The following ASTN2 variants were observed in gnomAD, a reference collection of about 807,000 sequenced individuals.
The protein encoded by ASTN2 is astrotactin 2.
A neutral mutation model predicts 139.8 loss-of-function variants in ASTN2; 54 were observed. The ratio of observed to expected loss-of-function variants is 0.39; its 90% CI spans 0.31 to 0.48. The LOEUF (loss-of-function observed/expected upper bound fraction) is 0.48, where lower values mean the gene tolerates loss of function less well. Among genes scored for constraint, ASTN2 ranks in the 20% least tolerant of loss-of-function variants. ASTN2 has a pLI of 0.95. For missense variants in ASTN2, 1,565 were observed against 1,725.1 expected (o/e 0.91, Z 1.64); for synonymous variants, 756 against 719.5 (o/e 1.05, Z -0.81).
At chr9:117,413,583 C>T (rs1489326737) in intron 1 of ASTN2, among the ~76,000 whole-genome samples, 3 of 152,218 alleles carry the variant, frequency 2.0e-5, no homozygotes, top group Non-Finnish European at 4.4e-5. Context: ...AAATCAGCTG[C>T]GCTTCCCACA....
At chr9:116,609,888 T>C (rs1855442446) in intron 19 of ASTN2, among the ~76,000 whole-genome samples, 1 of 152,098 alleles carries the variant, frequency 6.6e-6, no homozygotes, top group African/African-American at 2.4e-5. Flanking sequence ...TTATATCACT[T>C]GAAGGTAACT....
intron 1 of ASTN2, among the ~76,000 whole-genome samples, chr9:117,321,016 C>T (rs1450751153): frequency 6.6e-6 from 1 of 152,196 alleles, no homozygotes; most frequent in Non-Finnish European, 1.5e-5. Context: ...CCATCTCCTC[C>T]ACAACTCTGT....
At chr9:116,881,659 T>C (rs1013817203) in intron 10 of ASTN2, among the ~76,000 whole-genome samples, 2 of 152,216 alleles carry the variant, frequency 1.3e-5, no homozygotes, top group Non-Finnish European at 2.9e-5. Flanking sequence ...GCCACTGCCT[T>C]TGCATGGTTT....
chr9:116,815,406 T>C (rs1831283144), intron 12 of ASTN2, among the ~76,000 whole-genome samples: 1 of 152,152 alleles, frequency 6.6e-6, no homozygotes, highest in Non-Finnish European at 1.5e-5. Context: ...GGTTGGGATA[T>C]CTCAAGCTTC....
intron 13 of ASTN2, among the ~76,000 whole-genome samples, chr9:116,740,147 G>A (rs529794187): frequency 1.1e-4 from 17 of 152,344 alleles, no homozygotes; most frequent in Admixed American, 1.0e-3. Context: ...GTGCATATGT[G>A]CATTCAGGTA....
chr9:117,109,014 G>A (rs1319233170), intron 4 of ASTN2, among the ~76,000 whole-genome samples: 1 of 152,120 alleles, frequency 6.6e-6, no homozygotes, highest in African/African-American at 2.4e-5. Flanking sequence ...GCTGGGCATG[G>A]TGACTCACGG....
intron 19 of ASTN2, among the ~76,000 whole-genome samples, chr9:116,564,302 C>A (rs1853072189): frequency 6.6e-6 from 1 of 152,196 alleles, no homozygotes; most frequent in Non-Finnish European, 1.5e-5. Context: ...GTGCATGGAA[C>A]TGATTGCCTC....
intron 5 of ASTN2, among the ~76,000 whole-genome samples, chr9:117,044,490 A>G (rs1413692661): frequency 6.6e-6 from 1 of 152,198 alleles, no homozygotes; most frequent in Non-Finnish European, 1.5e-5. Flanking sequence ...ACTCAAATCA[A>G]GGTAACTTCC....
chr9:116,789,920 CTTTT>C (rs57433960), intron 13 of ASTN2, among the ~76,000 whole-genome samples: 17 of 93,330 alleles, frequency 1.8e-4, no homozygotes, highest in African/African-American at 5.0e-4. Context: ...TTCTCTTTCT[CTTTT>C]TTTTTTTTTT....
chr9:116,893,909 C>A (rs1423665619), intron 10 of ASTN2, among the ~76,000 whole-genome samples: 2 of 152,174 alleles, frequency 1.3e-5, no homozygotes, highest in African/African-American at 2.4e-5. Flanking sequence ...ACGTCTGCCC[C>A]CAGGCCCACG....
rs568291172 is a variant in ASTN2 at position 117,302,972 on chromosome 9, T to C, written c.443-11459A>G. On this transcript the variant is annotated intron_variant, in intron 1 of 22. Coordinates refer to ENST00000313400, the MANE Select transcript of ASTN2 (RefSeq NM_001365068.1). ...TAGCCTTTGTTCAGACCATGTCACC[T>C]GCCTGAAATGCCTTAATCTTTTCTT... is the stretch of plus-strand genomic sequence containing the variant. 1.7e-3 allele frequency among the ~76,000 whole-genome samples: 260 copies of C among 152,316 alleles called. 2 individuals are homozygous for C. The highest frequency in any genetic ancestry group is 1.8e-3 in the Non-Finnish European group (124 of 68,030).
At chr9:116,818,508 TG>T (rs1831399143) in intron 12 of ASTN2, among the ~76,000 whole-genome samples, 1 of 152,206 alleles carries the variant, frequency 6.6e-6, no homozygotes, top group Non-Finnish European at 1.5e-5. Flanking sequence ...TTGTTTTTTT[TG>T]TTTTTGTCCT....
intron 4 of ASTN2, among the ~76,000 whole-genome samples, chr9:117,107,154 A>G (rs996619556): frequency 2.0e-5 from 3 of 152,162 alleles, no homozygotes; most frequent in African/African-American, 7.2e-5. Flanking sequence ...ATGCCTGAAA[A>G]GTTCTACTAT....
In ASTN2 at chr9:116,616,866, A is replaced by G. The variant is rs558320204; in HGVS notation, c.3355+1458T>C. Among the ~76,000 whole-genome samples the G allele has an allele frequency of 2.0e-5, 3 of 152,310 alleles. No homozygotes were observed. In the East Asian group the frequency reaches 5.8e-4, roughly 29 times the overall value. ...TCTCACCCACATAAAAATAACGTAC[A>G]TACAGATAAATACAAACACACAGAC... On this transcript the variant is annotated intron_variant, in intron 19 of 22. Transcript: ENST00000313400.
intron 5 of ASTN2, among the ~76,000 whole-genome samples, chr9:117,047,738 A>G (rs1953181): frequency 0.71 from 107,585 of 151,940 alleles, 38,214 homozygotes; most frequent in East Asian, 0.86. Context: ...AACACTAATA[A>G]CTTTATTTTG....
At chr9:117,375,825 G>A (rs1017532565) in intron 1 of ASTN2, among the ~76,000 whole-genome samples, 1 of 152,148 alleles carries the variant, frequency 6.6e-6, no homozygotes, top group Non-Finnish European at 1.5e-5. Flanking sequence ...TGTCAGCAGG[G>A]CTGCATTCCC....
At chr9:117,212,582 A>G (rs1443297911) in intron 3 of ASTN2, among the ~76,000 whole-genome samples, 3 of 151,604 alleles carry the variant, frequency 2.0e-5, no homozygotes, top group African/African-American at 7.3e-5. Context: ...AAACAAAAAA[A>G]CAAAAAACAA....
Position 116,511,698 on chromosome 9 carries a change from T to C in ASTN2, c.3356-24198A>G, listed in dbSNP as rs532156208. On this transcript the variant is annotated intron_variant, in intron 19 of 22. Transcript: ENST00000313400. ...ATTTCAGAGCCTGTGATTGGTCTAT[T>C]CAGAGATTCAACTTCTTCCTGGTTT... Among the ~76,000 whole-genome samples, 8 of 152,304 alleles carry C rather than the reference T, an allele frequency of 5.3e-5. No homozygotes were observed. The South Asian group carries it at 1.0e-3, about 20-fold the overall frequency.
chr9:117,164,164 T>A (rs1039633240), intron 3 of ASTN2, among the ~76,000 whole-genome samples: 9 of 152,096 alleles, frequency 5.9e-5, no homozygotes, highest in African/African-American at 2.2e-4. Flanking sequence ...TTTAGAAGCA[T>A]CCACTTTTAG....
Sources: gnomAD v4.1 joint callset for allele counts (sites outside exome capture counted in the v4.1 genomes callset) on GRCh38, gnomAD v4.1.1 for gene constraint, MANE v1.5 for transcripts, NCBI Gene and HGNC (gene_info 2026-07-23, HGNC 2026-07-21) for gene names.